Variants in RBFOX1 observed in about 807,000 individuals in gnomAD.
The protein encoded by RBFOX1 is RNA binding fox-1 homolog 1.
Under a neutral mutation model 57.7 loss-of-function variants are expected in RBFOX1, and 8 were observed. The observed-to-expected ratio is 0.14, with a 90% CI of 0.08 to 0.25. The LOEUF (loss-of-function observed/expected upper bound fraction) is 0.25, where lower values mean the gene tolerates loss of function less well. RBFOX1 is among the 10% of genes least tolerant of loss of function. The probability of loss-of-function intolerance (pLI) is 1.00; values close to 1 mark genes in which losing one functional copy is unlikely to be tolerated. For synonymous variants in RBFOX1, 326 were observed against 222.4 expected, an observed-to-expected ratio of 1.47 and a Z score of -4.15; for missense variants, 611 against 548.5, an observed-to-expected ratio of 1.11 and a Z score of -1.14.
chr16:6,987,663 C>CTGCA (rs2153604000), intron 3 of RBFOX1, among the ~76,000 whole-genome samples: 1 of 152,300 alleles, frequency 6.6e-6, no homozygotes, highest in South Asian at 2.1e-4. Flanking sequence ...CTCCACTGAC[C>CTGCA]TGCAGTTCAC....
chr16:6,046,885 T>C (rs1239098557), intron 1 of RBFOX1, among the ~76,000 whole-genome samples: 1 of 152,130 alleles, frequency 6.6e-6, no homozygotes, highest in Non-Finnish European at 1.5e-5. Flanking sequence ...TGGGTGATTA[T>C]GGAGGGTGGG....
intron 3 of RBFOX1, among the ~76,000 whole-genome samples, chr16:6,891,152 C>T (rs941904492): frequency 2.0e-5 from 3 of 152,202 alleles, no homozygotes; most frequent in African/African-American, 7.2e-5. Context: ...CTCATGTCTT[C>T]CATTACAGGT....
chr16:5,991,404 T>C (rs1333249831), intron 4 of RBFOX1, among the ~76,000 whole-genome samples: 1 of 152,158 alleles, frequency 6.6e-6, no homozygotes, highest in Non-Finnish European at 1.5e-5. Flanking sequence ...TGTGAGCACG[T>C]AGAAGGAATT....
At chr16:6,296,423 CTT>C (rs1555611644) in intron 1 of RBFOX1, among the ~76,000 whole-genome samples, 3 of 144,274 alleles carry the variant, frequency 2.1e-5, no homozygotes, top group African/African-American at 2.5e-5. Flanking sequence ...AGGGGATGTA[CTT>C]TTTTTTTTTT....
At chr16:6,563,295 A>G (rs2097209221) in intron 2 of RBFOX1, among the ~76,000 whole-genome samples, 1 of 152,140 alleles carries the variant, frequency 6.6e-6, no homozygotes, top group South Asian at 2.1e-4. Flanking sequence ...CTTTATGAAC[A>G]TTTACTGAGA....
chr16:5,429,602 G>A (rs528414889), intron 1 of RBFOX1, among the ~76,000 whole-genome samples: 8 of 152,236 alleles, frequency 5.3e-5, no homozygotes, highest in African/African-American at 1.2e-4. Flanking sequence ...AGTTGTGCTC[G>A]CAGCATGTGG....
intron 4 of RBFOX1, among the ~76,000 whole-genome samples, chr16:7,076,036 G>A (rs2153788020): frequency 6.8e-6 from 1 of 148,110 alleles, no homozygotes; most frequent in South Asian, 2.1e-4. Flanking sequence ...TCACACTTGG[G>A]CTTTTTTTTT....
At chr16:6,029,489 C>G (rs540816630) in intron 1 of RBFOX1, among the ~76,000 whole-genome samples, 1 of 152,248 alleles carries the variant, frequency 6.6e-6, no homozygotes, top group Admixed American at 6.5e-5. Context: ...GAAAGAAAAA[C>G]ATGGCCGGGC....
intron 3 of RBFOX1, among the ~76,000 whole-genome samples, chr16:6,918,526 T>G (rs544003941): frequency 3.3e-5 from 5 of 152,172 alleles, no homozygotes; most frequent in Non-Finnish European, 5.9e-5. Flanking sequence ...TTCATAACTT[T>G]CATGTTGCAA....
intron 4 of RBFOX1, among the ~76,000 whole-genome samples, chr16:7,277,516 T>C (rs1372458389): frequency 6.6e-6 from 1 of 152,312 alleles, no homozygotes; most frequent in Non-Finnish European, 1.5e-5. Flanking sequence ...GTGTAGCTAG[T>C]GGTAATTGAA....
chr16:6,210,916 G>A (rs1365464609), intron 1 of RBFOX1, among the ~76,000 whole-genome samples: 1 of 152,076 alleles, frequency 6.6e-6, no homozygotes, highest in African/African-American at 2.4e-5. Flanking sequence ...AAAACACAAG[G>A]TCTTTTTTTG....
chr16:6,219,903 A>G (rs72776412), intron 1 of RBFOX1, among the ~76,000 whole-genome samples: 23,145 of 152,102 alleles, frequency 0.15, 2,057 homozygotes, highest in Middle Eastern at 0.28. Flanking sequence ...AAAAAAGAGA[A>G]TAAACTAATT....
At chr16:6,899,789 A>C (rs1294600161) in intron 3 of RBFOX1, among the ~76,000 whole-genome samples, 1 of 152,222 alleles carries the variant, frequency 6.6e-6, no homozygotes, top group Non-Finnish European at 1.5e-5. Context: ...ACATATTTGA[A>C]GTATGGACAC....
intron 2 of RBFOX1, among the ~76,000 whole-genome samples, chr16:6,567,561 T>C (rs529950243): frequency 5.9e-5 from 9 of 152,296 alleles, no homozygotes; most frequent in African/African-American, 2.2e-4. Flanking sequence ...TCATTGTGTT[T>C]CTTATGTGTC....
chr16:6,611,304 G>A (rs548940542), intron 2 of RBFOX1, among the ~76,000 whole-genome samples: 3 of 152,226 alleles, frequency 2.0e-5, no homozygotes, highest in Admixed American at 6.5e-5. Context: ...ACACCACCAC[G>A]CCTGGCTAAT....
chr16:7,559,916 G>C (rs1474264085), intron 5 of RBFOX1, among the ~76,000 whole-genome samples: 3 of 152,174 alleles, frequency 2.0e-5, no homozygotes, highest in Non-Finnish European at 2.9e-5. Context: ...GTCAACTGTT[G>C]GTCAAATGCT....
At chr16:7,702,140 C>G (rs932927771) in intron 14 of RBFOX1, among the ~76,000 whole-genome samples, 1 of 152,144 alleles carries the variant, frequency 6.6e-6, no homozygotes, top group Non-Finnish European at 1.5e-5. Context: ...GGGATTAGCC[C>G]AGACCTTACA....
intron 4 of RBFOX1, among the ~76,000 whole-genome samples, chr16:7,482,593 C>A (rs918464308): frequency 2.3e-5 from 3 of 128,242 alleles, no homozygotes; most frequent in African/African-American, 9.4e-5. Flanking sequence ...AAGATATTGC[C>A]TAGCCTCGGG....
At chr16:7,435,920 A>G (rs2098717967) in intron 4 of RBFOX1, among the ~76,000 whole-genome samples, 1 of 152,200 alleles carries the variant, frequency 6.6e-6, no homozygotes, top group African/African-American at 2.4e-5. Flanking sequence ...AGCAGGCAGC[A>G]CTTGTTGAAG....
Sources: allele counts gnomAD v4.1 joint callset (sites outside exome capture counted in the v4.1 genomes callset), GRCh38; gene constraint gnomAD v4.1.1; transcripts MANE v1.5; gene names NCBI Gene and HGNC (gene_info 2026-07-23, HGNC 2026-07-21).